MAPT: variants seen among roughly 807,000 people sequenced by gnomAD.
MAPT encodes microtubule-associated protein tau.
Under a neutral mutation model 67.9 loss-of-function variants are expected in MAPT, and 34 were observed. That is an observed-to-expected ratio of 0.50 (90% confidence interval 0.38 to 0.67). MAPT has a LOEUF of 0.67. MAPT is among the 30% of genes least tolerant of loss of function. MAPT has a pLI of 0.00. For missense variants in MAPT, 881 were observed against 1,115.2 expected, an observed-to-expected ratio of 0.79 and a Z score of 2.99; for synonymous variants, 456 against 464.5, an observed-to-expected ratio of 0.98 and a Z score of 0.23.
rs2063312338 is a variant in MAPT, at chr17:45,897,216, C to T, written c.-18+2530C>T. The T allele has an allele frequency of 6.6e-6, 1 of 152,238 alleles. No individual in the cohort carries two copies. The allele number at this position is 152,238 out of a possible 1,614,324, so 9.4% of individuals were successfully genotyped here. ...CCCCTTCCAGATGGAGCGAGGGTCTCGGGGTGGCCCCGGAAAAGGGGAGCC... is the reference window on the plus strand; with the variant it reads ...CCCCTTCCAGATGGAGCGAGGGTCTTGGGGTGGCCCCGGAAAAGGGGAGCC... On this transcript the variant is annotated intron_variant, in intron 1 of 12. Transcript: ENST00000262410. This position sits in a 1 kb window ranked among gnomAD's most constrained non-coding sequence, Gnocchi z 5.0.
chr17:45,917,069 A>G (rs62056859), intron 1 of MAPT, among the ~76,000 whole-genome samples: 21,838 of 152,276 alleles, frequency 0.14, 2,136 homozygotes, highest in Middle Eastern at 0.22. Flanking sequence ...CGGTCATGGG[A>G]ACACGTGATC....
intron 4 of MAPT, 131 bp downstream of exon 4, chr17:45,978,571 C>T (rs1405601522): frequency 2.8e-6 from 2 of 716,438 alleles, no homozygotes; most frequent in Non-Finnish European, 4.7e-6. Flanking sequence ...GGAGTTGGTT[C>T]TTATCAAAGG....
chr17:45,946,214 C>T (rs897086777), intron 1 of MAPT, among the ~76,000 whole-genome samples: 1 of 152,008 alleles, frequency 6.6e-6, no homozygotes, highest in Non-Finnish European at 1.5e-5. Flanking sequence ...AAAGTGGTGA[C>T]CAGGGGCATT....
chr17:45,953,513 A>G (rs1217694271), intron 1 of MAPT, among the ~76,000 whole-genome samples: 1 of 152,194 alleles, frequency 6.6e-6, no homozygotes, highest in Non-Finnish European at 1.5e-5. Flanking sequence ...GATTCTTCCC[A>G]TGCATTCCAC....
intron 1 of MAPT, among the ~76,000 whole-genome samples, chr17:45,909,467 G>C (rs1474163396): frequency 6.6e-6 from 1 of 152,198 alleles, no homozygotes; most frequent in Non-Finnish European, 1.5e-5. Flanking sequence ...GGGCGTGATG[G>C]CTCACTCCTA....
rs1381793514 is a variant in MAPT at position 45,983,061 on chromosome 17, C to T, written c.482C>T (p.Pro161Leu). The change falls in exon 5 of 13, where the codon CCT becomes CTT. Residue 161 changes from proline (P) to leucine (L), a missense_variant. By Grantham distance (98) the Pro-to-Leu change is moderately conservative. This residue lies in a region of MAPT where 687 missense variants were observed against 766.1 expected (regional missense o/e 0.90). Coordinates refer to ENST00000262410, the MANE Select transcript of MAPT (RefSeq NM_001377265.1). The stretch of plus-strand genomic sequence containing the variant: ...CAGCACCGTCCCGTTTGCCCAGCGC[C>T]TCCTCCAACAGGAGGCCCTCAGGAG... ...LPQHRPVCPA[P>L]PPTGGPQEPS... is the part of the protein sequence containing the mutation. The T allele has an allele frequency of 5.9e-6, 9 of 1,529,340 alleles. No individual in the cohort carries two copies. Among genetic ancestry groups the T allele is most frequent in the Admixed American group, 4.1e-5 (2 of 49,340 alleles). The allele number at this position is 1,529,340 out of a possible 1,614,324, so 94.7% of individuals were successfully genotyped here.
intron 1 of MAPT, among the ~76,000 whole-genome samples, chr17:45,925,968 T>C (rs1426583273): frequency 6.6e-6 from 1 of 152,204 alleles, no homozygotes; most frequent in Non-Finnish European, 1.5e-5. Context: ...AGCACCACTT[T>C]GGGAGGCTGA....
In MAPT at chr17:45,915,288, T is replaced by G. The variant is rs896024474; in HGVS notation, c.-18+20602T>G. ...AGTGTGTATGTGTGTGGTGTGGGGG[T>G]GTGTGCTGTGTGAGCGTGTGTGAGT... On this transcript the variant is annotated intron_variant, in intron 1 of 12. Coordinates refer to ENST00000262410, the MANE Select transcript of MAPT (RefSeq NM_001377265.1). This position sits in a 1 kb window ranked among gnomAD's most constrained non-coding sequence, Gnocchi z 4.4. Among the ~76,000 whole-genome samples the G allele has an allele frequency of 1.4e-4, 20 of 145,570 alleles. No homozygotes were observed. Among genetic ancestry groups the G allele is most frequent in the African/African-American group, 3.9e-4 (15 of 38,934 alleles).
intron 1 of MAPT, among the ~76,000 whole-genome samples, chr17:45,928,064 A>G (rs1335250364): frequency 6.6e-6 from 1 of 151,050 alleles, no homozygotes; most frequent in Admixed American, 6.6e-5. Flanking sequence ...TCTCCTCCCA[A>G]CATGTCCCTG....
In MAPT at chr17:45,972,228, C is replaced by A. The variant is rs2071772231; in HGVS notation, c.220+283C>A. On this transcript the variant is annotated intron_variant, in intron 3 of 12. Coordinates refer to ENST00000262410, the MANE Select transcript of MAPT (RefSeq NM_001377265.1). ...CCCGCTCCATACGATTGTCCTCCCA[C>A]ACCCCCTTCAAAAGCCCCCTCCTCT... The A allele has an allele frequency of 8.2e-6, 5 of 613,306 alleles. No individual in the cohort carries two copies. The Admixed American group carries it at 8.5e-5, about 10-fold the overall frequency. The allele number at this position is 613,306 out of a possible 1,614,324, so 38.0% of individuals were successfully genotyped here. A position where few individuals can be genotyped will look rare whatever the true frequency, so the allele number is the denominator to read the frequency against.
At chr17:45,993,956 G>A (rs1290745552) in intron 8 of MAPT, 1 of 1,576,400 alleles carries the variant, frequency 6.3e-7, no homozygotes. Flanking sequence ...ACCACCCCCT[G>A]CAGGGCCCAG....
intron 1 of MAPT, among the ~76,000 whole-genome samples, chr17:45,956,071 G>A (rs1173068609): frequency 6.6e-6 from 1 of 152,180 alleles, no homozygotes; most frequent in Non-Finnish European, 1.5e-5. Context: ...TTTGCCCATT[G>A]AGAACGGCTG....
chr17:45,919,352 C>A (rs1310979035), intron 1 of MAPT, among the ~76,000 whole-genome samples: 1 of 111,948 alleles, frequency 8.9e-6, no homozygotes, highest in Non-Finnish European at 2.4e-5. Context: ...GAAGGGGCGC[C>A]CCCCCCGCCT....
chr17:46,006,258 T>C (rs1021891797), intron 9 of MAPT, among the ~76,000 whole-genome samples: 1 of 152,102 alleles, frequency 6.6e-6, no homozygotes. Context: ...TATTCAGCCA[T>C]GAAAAAGAAT....
At chr17:46,014,644 G>A (rs1359372035) in intron 11 of MAPT, among the ~76,000 whole-genome samples, 1 of 152,202 alleles carries the variant, frequency 6.6e-6, no homozygotes. Flanking sequence ...GGAGGCCAAG[G>A]TGGGTGGATC....
chr17:46,023,936 C>G lies in MAPT; in HGVS notation c.2287-20C>G, dbSNP rs1040188868. On this transcript the variant is annotated intron_variant, in intron 12 of 12. Coordinates refer to ENST00000262410, the MANE Select transcript of MAPT (RefSeq NM_001377265.1). ...TCTCTGGCACTTCATCTCACCCTCC[C>G]TCCCTTCCTCTTCTTGCAGATTGAA... The G allele has an allele frequency of 2.9e-5, 47 of 1,609,694 alleles. No homozygotes were observed. Among genetic ancestry groups the G allele is most frequent in the African/African-American group, 4.0e-5 (3 of 74,838 alleles).
rs928748059 is a variant in MAPT, at chr17:45,915,767, G to C, written c.-18+21081G>C. On this transcript the variant is annotated intron_variant, in intron 1 of 12. Transcript: ENST00000262410. This position sits in a 1 kb window ranked among gnomAD's most constrained non-coding sequence, Gnocchi z 4.4. Reference sequence around the variant, plus strand: ...CCTTGTCATAGTCTGTGACAACCCAGACTAGCCCATGAGCCACCCTGTTCC... The same window carrying C: ...CCTTGTCATAGTCTGTGACAACCCACACTAGCCCATGAGCCACCCTGTTCC... Among the ~76,000 whole-genome samples, 2 of 152,124 alleles carry C rather than the reference G, an allele frequency of 1.3e-5. No individual in the cohort carries two copies. Among genetic ancestry groups the C allele is most frequent in the African/African-American group, 4.8e-5 (2 of 41,418 alleles).
At chr17:45,979,136 T>C (rs1236528327) in intron 4 of MAPT, 1 of 152,244 alleles carries the variant, frequency 6.6e-6, no homozygotes, top group Non-Finnish European at 1.5e-5. Flanking sequence ...CTGTGCAGCC[T>C]TCAACCCTTA....
At chr17:46,019,435 C>T (rs913019061) in intron 12 of MAPT, among the ~76,000 whole-genome samples, 2 of 152,096 alleles carry the variant, frequency 1.3e-5, no homozygotes, top group Non-Finnish European at 2.9e-5. Context: ...GGCATGATCT[C>T]GGCTCACTGC....
Sources: gnomAD v4.1 joint callset for allele counts (sites outside exome capture counted in the v4.1 genomes callset) on GRCh38, gnomAD v4.1.1 for gene constraint, gnomAD v4.1.1 regional missense constraint, Gnocchi (gnomAD v3.1) non-coding constraint, MANE v1.5 for transcripts, NCBI Gene and HGNC (gene_info 2026-07-23, HGNC 2026-07-21) for gene names.